CCDC102B: variants seen among roughly 807,000 people sequenced by gnomAD.
The protein encoded by CCDC102B is coiled-coil domain-containing protein 102B.
CCDC102B carries 75 observed loss-of-function variants against 57.4 expected under a neutral mutation model. That is an observed-to-expected ratio of 1.31 (90% CI 1.08 to 1.58). The LOEUF is 1.58. Among genes scored for constraint, CCDC102B ranks in the 40% most tolerant of loss-of-function variants. CCDC102B has a pLI of 0.00. For synonymous variants in CCDC102B, 206 were observed against 201.9 expected, an observed-to-expected ratio of 1.02 and a Z score of -0.17; for missense variants, 636 against 582.6, an observed-to-expected ratio of 1.09 and a Z score of -0.94.
intron 6 of CCDC102B, chr18:68,899,813 G>C (rs1260847653): frequency 6.6e-6 from 1 of 151,984 alleles, no homozygotes; most frequent in Non-Finnish European, 1.5e-5. Context: ...TATTTCAATG[G>C]TATAGAGAAT....
chr18:68,724,813 T>G (rs995699310), intron 2 of CCDC102B, among the ~76,000 whole-genome samples: 1 of 152,222 alleles, frequency 6.6e-6, no homozygotes, highest in East Asian at 1.9e-4. Flanking sequence ...TTCCAACCTC[T>G]GCCTGTTACC....
At chr18:68,864,655 C>T (rs1199011103) in intron 4 of CCDC102B, among the ~76,000 whole-genome samples, 1 of 152,026 alleles carries the variant, frequency 6.6e-6, no homozygotes. Context: ...CATACTTTCA[C>T]TATCTTTGAA....
At chr18:68,898,610 T>C (rs2040324795) in intron 6 of CCDC102B, among the ~76,000 whole-genome samples, 1 of 152,142 alleles carries the variant, frequency 6.6e-6, no homozygotes, top group African/African-American at 2.4e-5. Context: ...ATAGAAATAC[T>C]TTTTATTTGA....
chr18:69,028,462 T>A (rs2052052102), intron 7 of CCDC102B, among the ~76,000 whole-genome samples: 1 of 152,142 alleles, frequency 6.6e-6, no homozygotes, highest in Non-Finnish European at 1.5e-5. Context: ...TTGGCAGGAA[T>A]AGTAAACCAT....
At chr18:69,038,800 C>A (rs1047401294) in intron 7 of CCDC102B, among the ~76,000 whole-genome samples, 6 of 151,904 alleles carry the variant, frequency 3.9e-5, no homozygotes, top group African/African-American at 7.2e-5. Context: ...TCTTTGTATT[C>A]CTAACAAATA....
chr18:68,994,582 G>A (rs538410262), intron 6 of CCDC102B, among the ~76,000 whole-genome samples: 84 of 151,400 alleles, frequency 5.5e-4, no homozygotes, highest in East Asian at 1.8e-3. Flanking sequence ...GAGTGTTTTC[G>A]CCCTTGTGGT....
intron 1 of CCDC102B, among the ~76,000 whole-genome samples, chr18:68,818,276 G>T (rs1471008865): frequency 1.3e-5 from 2 of 152,084 alleles, no homozygotes; most frequent in South Asian, 2.1e-4. Context: ...TCTGTTTATC[G>T]TGTCTATTCT....
intron 3 of CCDC102B, among the ~76,000 whole-genome samples, chr18:68,844,867 G>T (rs1190338512): frequency 6.6e-6 from 1 of 151,836 alleles, no homozygotes; most frequent in Non-Finnish European, 1.5e-5. Context: ...GACCGCTGTG[G>T]TTAATCTGGA....
At chr18:68,958,169 C>T (rs2049955720) in intron 6 of CCDC102B, among the ~76,000 whole-genome samples, 1 of 152,112 alleles carries the variant, frequency 6.6e-6, no homozygotes, top group Non-Finnish European at 1.5e-5. Context: ...GAAAGACCTG[C>T]CCTGGTGATT....
downstream of CCDC102B, among the ~76,000 whole-genome samples, chr18:69,056,636 A>AATAGATAG (rs71176933): frequency 0.013 from 1,628 of 122,012 alleles, 21 homozygotes; most frequent in African/African-American, 0.035. Flanking sequence ...ATAGATAGAT[A>AATAGATAG]ATAGATAGAT....
chr18:68,811,810 A>C (rs1272351683), intron 1 of CCDC102B, among the ~76,000 whole-genome samples: 1 of 152,082 alleles, frequency 6.6e-6, no homozygotes, highest in Non-Finnish European at 1.5e-5. Flanking sequence ...AGCACAGAGG[A>C]CTGCAGGTCG....
chr18:68,964,719 G>A (rs753424082), intron 6 of CCDC102B, among the ~76,000 whole-genome samples: 1 of 151,728 alleles, frequency 6.6e-6, no homozygotes, highest in Non-Finnish European at 1.5e-5. Flanking sequence ...ATGTTCTAGG[G>A]TTAGTTCTTT....
intron 7 of CCDC102B, among the ~76,000 whole-genome samples, chr18:69,032,096 G>A (rs1432179346): frequency 1.3e-5 from 2 of 151,702 alleles, no homozygotes; most frequent in Non-Finnish European, 2.9e-5. Flanking sequence ...TTGAAACTTG[G>A]GACAAAAAAT....
intron 7 of CCDC102B, among the ~76,000 whole-genome samples, chr18:69,051,472 C>T (rs2052703424): frequency 6.6e-6 from 1 of 151,536 alleles, no homozygotes; most frequent in Non-Finnish European, 1.5e-5. Context: ...TTAAATTATC[C>T]CATAGAGTTA....
chr18:68,862,210 T>A (rs2038791437), intron 4 of CCDC102B, among the ~76,000 whole-genome samples: 1 of 152,206 alleles, frequency 6.6e-6, no homozygotes, highest in South Asian at 2.1e-4. Flanking sequence ...CTATTGACCA[T>A]GTGATATCCT....
intron 1 of CCDC102B, among the ~76,000 whole-genome samples, chr18:68,812,337 A>G (rs1217760823): frequency 6.6e-6 from 1 of 152,112 alleles, no homozygotes; most frequent in African/African-American, 2.4e-5. Flanking sequence ...TTGTGATGAA[A>G]CTTAATTCTC....
chr18:68,936,551 C>G (rs1289661369), intron 6 of CCDC102B, among the ~76,000 whole-genome samples: 1 of 151,876 alleles, frequency 6.6e-6, no homozygotes, highest in Non-Finnish European at 1.5e-5. Flanking sequence ...ACCTTTATTA[C>G]TGCATTTGTT....
chr18:68,715,327 A>G, exon 1 of CCDC102B: 1 of 1,045,588 alleles, frequency 9.6e-7, no homozygotes, highest in Admixed American at 4.7e-5. Context: ...GTTTCCGGGA[A>G]GGTGAATACC....
chr18:68,822,012 A>G (rs2036709998), intron 1 of CCDC102B, among the ~76,000 whole-genome samples: 1 of 152,192 alleles, frequency 6.6e-6, no homozygotes. Flanking sequence ...ACTTTGTTCT[A>G]GAAGCTTGTA....
Sources: allele counts gnomAD v4.1 joint callset (sites outside exome capture counted in the v4.1 genomes callset), GRCh38; gene constraint gnomAD v4.1.1; transcripts MANE v1.5; gene names NCBI Gene and HGNC (gene_info 2026-07-23, HGNC 2026-07-21).